The following AFF3 variants were observed in gnomAD, a reference collection of about 807,000 sequenced individuals.
AFF3 encodes the protein AF4/FMR2 family member 3.
A neutral mutation model predicts 129.7 loss-of-function variants in AFF3; 32 were observed. The ratio of observed to expected loss-of-function variants is 0.25; its 90% CI spans 0.19 to 0.33. The LOEUF (loss-of-function observed/expected upper bound fraction) is 0.33, where lower values mean the gene tolerates loss of function less well. Among genes scored for constraint, AFF3 ranks in the 10% least tolerant of loss-of-function variants. The pLI is 1.00. For missense variants in AFF3, 1,373 were observed against 1,592.0 expected, an observed-to-expected ratio of 0.86 and a Z score of 2.34; for synonymous variants, 644 against 635.4, an observed-to-expected ratio of 1.01 and a Z score of -0.20.
chr2:99,837,981 G>A (rs919544146), intron 7 of AFF3, among the ~76,000 whole-genome samples: 4 of 152,126 alleles, frequency 2.6e-5, no homozygotes, highest in Admixed American at 2.0e-4. Context: ...TAGTTCCACC[G>A]TCCTCAAAGC....
At chr2:99,938,071 C>T (rs1168924641) in intron 7 of AFF3, among the ~76,000 whole-genome samples, 1 of 152,144 alleles carries the variant, frequency 6.6e-6, no homozygotes, top group Admixed American at 6.5e-5. Context: ...CTCAGCTTTC[C>T]ATCAGTTAAA....
In AFF3 at chr2:99,549,146, G is replaced by GC. The variant is rs1336817252; in HGVS notation, c.*2327dup. The GC allele has an allele frequency of 4.5e-6, 1 of 222,484 alleles. No individual in the cohort carries two copies. Among genetic ancestry groups the GC allele is most frequent in the African/African-American group, 2.2e-5 (1 of 44,656 alleles). The allele number at this position is 222,484 out of a possible 1,614,324, so 13.8% of individuals were successfully genotyped here. A position where few individuals can be genotyped will look rare whatever the true frequency, so the allele number is the denominator to read the frequency against. Reference sequence around the variant, plus strand: ...CAGGTATGCAGGATAGACCTCCAGGGCCATCCCTTTATGTGTTTGAATATT... The same window carrying GC: ...CAGGTATGCAGGATAGACCTCCAGGGCCCATCCCTTTATGTGTTTGAATATT... On this transcript the variant is annotated 3_prime_UTR_variant, in exon 25 of 25. Coordinates refer to ENST00000672756, the MANE Select transcript of AFF3 (RefSeq NM_001386135.1).
chr2:100,075,275 ACT>A (rs1308115639), intron 4 of AFF3, among the ~76,000 whole-genome samples: 2 of 151,912 alleles, frequency 1.3e-5, no homozygotes, highest in Non-Finnish European at 2.9e-5. Context: ...CTCTTCTAAA[ACT>A]CTCTTAAGAA....
At chr2:100,128,342 T>C (rs1692287387) in intron 2 of AFF3, among the ~76,000 whole-genome samples, 1 of 152,210 alleles carries the variant, frequency 6.6e-6, no homozygotes, top group Non-Finnish European at 1.5e-5. Context: ...ACCACTTTCC[T>C]GTAACAGAGG....
chr2:99,565,707 G>A lies in AFF3; in HGVS notation c.2983-84C>T, dbSNP rs566652218. ...GTCATGTAGTTTATACACCTTATTT[G>A]AGAAACCCAACTCTGACTTCTAAAA... On this transcript the variant is annotated intron_variant, in intron 19 of 24. Transcript: ENST00000672756. The A allele has an allele frequency of 1.4e-5, 20 of 1,444,124 alleles. No individual in the cohort carries two copies. In the African/African-American group the frequency reaches 2.5e-4, roughly 18 times the overall value. 89.5% of individuals were successfully genotyped at this position (1,444,124 alleles called of 1,614,324 possible).
At chr2:100,094,420 G>A (rs368944044) in intron 4 of AFF3, among the ~76,000 whole-genome samples, 7 of 152,118 alleles carry the variant, frequency 4.6e-5, no homozygotes, top group Non-Finnish European at 7.3e-5. Context: ...ACACATGCTC[G>A]GTTCACTATA....
At chr2:99,905,938 T>G (rs1694686381) in intron 7 of AFF3, among the ~76,000 whole-genome samples, 1 of 152,168 alleles carries the variant, frequency 6.6e-6, no homozygotes, top group African/African-American at 2.4e-5. Flanking sequence ...TCCCTGTGTT[T>G]GATAAATACG....
At chr2:99,757,579 A>G (rs940297831) in intron 8 of AFF3, among the ~76,000 whole-genome samples, 2 of 152,218 alleles carry the variant, frequency 1.3e-5, no homozygotes, top group African/African-American at 4.8e-5. Context: ...TTTATAGATG[A>G]GGAAACTAAG....
chr2:99,871,515 C>T (rs1351090784), intron 7 of AFF3, among the ~76,000 whole-genome samples: 2 of 150,328 alleles, frequency 1.3e-5, no homozygotes, highest in African/African-American at 5.0e-5. Flanking sequence ...TAAGGAAAGG[C>T]TCATAAAACT....
intron 2 of AFF3, chr2:100,106,860 A>G (rs1691327220): frequency 1.0e-6 from 1 of 985,464 alleles, no homozygotes; most frequent in Non-Finnish European, 1.2e-6. Flanking sequence ...TAAATAGATG[A>G]TCCCAGAAAA....
At chr2:99,592,915 G>C (rs570691778) in intron 15 of AFF3, among the ~76,000 whole-genome samples, 1 of 144,926 alleles carries the variant, frequency 6.9e-6, no homozygotes, top group East Asian at 2.1e-4. Context: ...CTGCTTGGGC[G>C]ACAGAGTGAG....
At chr2:99,997,140 C>T (rs1211229837) in intron 7 of AFF3, among the ~76,000 whole-genome samples, 1 of 152,118 alleles carries the variant, frequency 6.6e-6, no homozygotes, top group Non-Finnish European at 1.5e-5. Flanking sequence ...GCTCACAACT[C>T]CCAAATCTAC....
At chr2:100,138,883 T>G (rs1238592297) in intron 1 of AFF3, among the ~76,000 whole-genome samples, 6 of 144,086 alleles carry the variant, frequency 4.2e-5, no homozygotes, top group Non-Finnish European at 5.9e-5. Flanking sequence ...AGGCGGAGGC[T>G]GCAGTGAGCC....
chr2:99,848,774 T>TA (rs1296389175), intron 7 of AFF3, among the ~76,000 whole-genome samples: 2 of 152,044 alleles, frequency 1.3e-5, no homozygotes, highest in Non-Finnish European at 2.9e-5. Flanking sequence ...AAAAATAAAA[T>TA]AAAAAATCAT....
intron 10 of AFF3, among the ~76,000 whole-genome samples, chr2:99,733,524 C>T (rs1680011341): frequency 6.6e-6 from 1 of 151,962 alleles, no homozygotes. Flanking sequence ...CTTTATTTGA[C>T]ACTTTTTGTG....
intron 7 of AFF3, among the ~76,000 whole-genome samples, chr2:99,967,405 G>A (rs1274488031): frequency 1.3e-5 from 2 of 152,056 alleles, no homozygotes; most frequent in African/African-American, 2.4e-5. Flanking sequence ...TCCTATGGAC[G>A]TTCCACTGTT....
chr2:100,027,021 A>T (rs973095921), intron 4 of AFF3, among the ~76,000 whole-genome samples: 20 of 152,006 alleles, frequency 1.3e-4, no homozygotes, highest in Non-Finnish European at 2.8e-4. Flanking sequence ...CTCACAAATC[A>T]CCACTAAAGA....
At chr2:99,825,996 C>A (rs1274900534) in intron 8 of AFF3, among the ~76,000 whole-genome samples, 1 of 151,226 alleles carries the variant, frequency 6.6e-6, no homozygotes, top group Non-Finnish European at 1.5e-5. Context: ...TATTCTTCAT[C>A]CATTTATTCA....
chr2:100,045,457 C>T (rs1262053585), intron 4 of AFF3, among the ~76,000 whole-genome samples: 2 of 152,286 alleles, frequency 1.3e-5, no homozygotes, highest in African/African-American at 2.4e-5. Context: ...ATGTCTTCCC[C>T]TTTAAGGCTA....
Sources: gnomAD v4.1 joint callset for allele counts (sites outside exome capture counted in the v4.1 genomes callset) on GRCh38, gnomAD v4.1.1 for gene constraint, MANE v1.5 for transcripts, NCBI Gene and HGNC (gene_info 2026-07-23, HGNC 2026-07-21) for gene names.